Variants in NR3C1 observed in about 807,000 individuals in gnomAD.
NR3C1 encodes nuclear receptor subfamily 3 group C member 1.
In NR3C1, 14 loss-of-function variants were observed where a neutral mutation model predicts 74.0. The observed-to-expected ratio is 0.19, with a 90% CI of 0.12 to 0.30. The LOEUF (loss-of-function observed/expected upper bound fraction) is 0.30, where lower values mean the gene tolerates loss of function less well. Among genes scored for constraint, NR3C1 ranks in the 10% least tolerant of loss-of-function variants. NR3C1 has a pLI of 1.00. For synonymous variants in NR3C1, 308 were observed against 332.5 expected, an observed-to-expected ratio of 0.93 and a Z score of 0.80; for missense variants, 695 against 909.8, an observed-to-expected ratio of 0.76 and a Z score of 3.04.
intron 2 of NR3C1, among the ~76,000 whole-genome samples, chr5:143,356,900 G>C (rs1469331941): frequency 6.6e-6 from 1 of 152,140 alleles, no homozygotes; most frequent in East Asian, 1.9e-4. Flanking sequence ...TTATTTCTAA[G>C]ATCTTACTAG....
intron 7 of NR3C1, among the ~76,000 whole-genome samples, chr5:143,287,950 G>A (rs1814872531): frequency 6.6e-6 from 1 of 152,100 alleles, no homozygotes. Flanking sequence ...TTGCAACAGG[G>A]ACTATATGGC....
chr5:143,352,604 T>A (rs1159334927), intron 2 of NR3C1, among the ~76,000 whole-genome samples: 1 of 152,224 alleles, frequency 6.6e-6, no homozygotes, highest in African/African-American at 2.4e-5. Flanking sequence ...ATAAAGTGAA[T>A]ATTGCAACAA....
Position 143,337,697 on chromosome 5 carries a change from T to C in NR3C1, c.1185-23529A>G, listed in dbSNP as rs114479532. On this transcript the variant is annotated intron_variant, in intron 2 of 8. Coordinates refer to ENST00000394464, the MANE Select transcript of NR3C1 (RefSeq NM_000176.3). ...ACTACAACATGAATGAATCCTACAA[T>C]GTTGAATGAAAAAAGCAAGATGCAA... Among the ~76,000 whole-genome samples the C allele has an allele frequency of 5.3e-3, 806 of 152,276 alleles. 7 individuals are homozygous for C. Among genetic ancestry groups the C allele is most frequent in the African/African-American group, 0.018 (749 of 41,562 alleles).
At chr5:143,296,809 G>A (rs1817355502) in intron 6 of NR3C1, among the ~76,000 whole-genome samples, 2 of 152,062 alleles carry the variant, frequency 1.3e-5, no homozygotes, top group Admixed American at 1.3e-4. Flanking sequence ...GGGTGCGGTG[G>A]CTCACACCTG....
At chr5:143,364,458 A>T (rs1269219189) in intron 2 of NR3C1, among the ~76,000 whole-genome samples, 1 of 152,216 alleles carries the variant, frequency 6.6e-6, no homozygotes, top group Non-Finnish European at 1.5e-5. Flanking sequence ...CAACATCAGG[A>T]AAGGGAATTA....
intron 2 of NR3C1, among the ~76,000 whole-genome samples, chr5:143,333,639 G>A (rs1324199953): frequency 3.3e-5 from 5 of 152,220 alleles, no homozygotes; most frequent in Middle Eastern, 3.4e-3. Context: ...GTGGTGGCAC[G>A]TGCCTGTAGT....
chr5:143,346,716 C>T (rs1477601018), intron 2 of NR3C1, among the ~76,000 whole-genome samples: 2 of 152,200 alleles, frequency 1.3e-5, no homozygotes, highest in Non-Finnish European at 2.9e-5. Context: ...ATTGAAACAA[C>T]TGTAAACTTC....
rs1813354187 is a variant in NR3C1 at position 143,282,621 on chromosome 5, G to T, written c.2128C>A (p.Gln710Lys). ...AIVKREGNSS[Q>K]NWQRFYQLTK... The stretch of plus-strand genomic sequence containing the variant: ...AGTTGATAAAACCGCTGCCAGTTCT[G>T]GCTGGAGTTTCCTTCCCTCTTGACA... The change falls in exon 8 of 9, where the codon CAG (glutamine) becomes AAG (lysine). Residue 710 changes from glutamine (Q) to lysine (K), a missense_variant. Transcript: ENST00000394464. 6.2e-7 allele frequency: 1 copy of T among 1,613,860 alleles called. No individual in the cohort carries two copies. The highest frequency in any genetic ancestry group is 8.5e-7 in the Non-Finnish European group (1 of 1,179,948).
upstream of NR3C1, chr5:143,404,011 A>G: frequency 1.0e-6 from 1 of 984,940 alleles, no homozygotes; most frequent in Non-Finnish European, 1.2e-6. Context: ...CGGCGTTAAG[A>G]GGGCCACCGA....
intron 7 of NR3C1, among the ~76,000 whole-genome samples, chr5:143,287,637 TCTCAA>T (rs974913900): frequency 1.0e-3 from 157 of 152,194 alleles, no homozygotes; most frequent in African/African-American, 3.5e-3. Context: ...AGAAAATACT[TCTCAA>T]CTCATTTTAA....
intron 2 of NR3C1, among the ~76,000 whole-genome samples, chr5:143,390,999 C>T (rs921384068): frequency 6.6e-6 from 1 of 152,154 alleles, no homozygotes; most frequent in South Asian, 2.1e-4. Context: ...TACATAGCCT[C>T]CTAAGGTGGA....
At chr5:143,343,467 T>C (rs538491045) in intron 2 of NR3C1, among the ~76,000 whole-genome samples, 21 of 152,308 alleles carry the variant, frequency 1.4e-4, no homozygotes, top group South Asian at 4.1e-4. Context: ...GAACCACTAA[T>C]AGAAATTAAC....
chr5:143,350,773 C>T (rs1342940378), intron 2 of NR3C1, among the ~76,000 whole-genome samples: 1 of 152,172 alleles, frequency 6.6e-6, no homozygotes, highest in East Asian at 1.9e-4. Context: ...GAAAGAAGAA[C>T]TTGCCAAGAG....
At chr5:143,373,440 G>A (rs1165473478) in intron 2 of NR3C1, among the ~76,000 whole-genome samples, 1 of 135,308 alleles carries the variant, frequency 7.4e-6, no homozygotes. Context: ...AAAAAAACAA[G>A]TTATAAAGAC....
intron 7 of NR3C1, among the ~76,000 whole-genome samples, chr5:143,289,172 A>G (rs1398250818): frequency 6.6e-6 from 1 of 152,188 alleles, no homozygotes; most frequent in African/African-American, 2.4e-5. Context: ...TCATATTACC[A>G]AATTTCAAGA....
At chr5:143,285,490 A>G (rs745766527) in intron 7 of NR3C1, among the ~76,000 whole-genome samples, 10 of 152,226 alleles carry the variant, frequency 6.6e-5, no homozygotes, top group Non-Finnish European at 1.5e-4. Context: ...ATTCTTTTCA[A>G]GTATACACAG....
chr5:143,305,695 T>C lies in NR3C1; in HGVS notation c.1468+4402A>G, dbSNP rs114554881. ...ATGGGAGCTAAACATTGAGTACACA[T>C]AGACATAAAGATGGGAACAGACACT... On this transcript the variant is annotated intron_variant, in intron 4 of 8. Transcript: ENST00000394464. Among the ~76,000 whole-genome samples, 361 of 152,058 alleles carry C rather than the reference T, an allele frequency of 2.4e-3. 2 individuals carry two copies. The highest frequency in any genetic ancestry group is 8.2e-3 in the African/African-American group (342 of 41,500).
chr5:143,425,836 CAT>C lies in NR3C1; in HGVS notation c.-14+8694_-14+8695del, dbSNP rs1306901151. Among the ~76,000 whole-genome samples the C allele has an allele frequency of 1.6e-4, 25 of 152,226 alleles. No individual in the cohort carries two copies. In the East Asian group the frequency reaches 3.9e-3, roughly 23 times the overall value. The stretch of plus-strand genomic sequence containing the variant: ...TTGGCAGTTTTCTCAAAAAGGTAAA[CAT>C]AGAGTTACTATATGACCCAGCAATT... On this transcript the variant is annotated intron_variant, in intron 1 of 8. Coordinates refer to the NR3C1 transcript ENST00000343796.
intron 2 of NR3C1, among the ~76,000 whole-genome samples, chr5:143,316,524 C>T (rs1240171923): frequency 6.6e-6 from 1 of 151,970 alleles, no homozygotes; most frequent in Non-Finnish European, 1.5e-5. Flanking sequence ...ACATCATCAC[C>T]CCTGGATGCG....
Sources: allele counts gnomAD v4.1 joint callset (sites outside exome capture counted in the v4.1 genomes callset), GRCh38; gene constraint gnomAD v4.1.1; transcripts MANE v1.5; gene names NCBI Gene and HGNC (gene_info 2026-07-23, HGNC 2026-07-21).